Variants in PGM2 observed in about 807,000 individuals in gnomAD.
PGM2 encodes phosphopentomutase.
In PGM2, 57 loss-of-function variants were observed where a neutral mutation model predicts 74.6. The observed-to-expected ratio is 0.76, with a 90% CI of 0.62 to 0.95. PGM2 has a LOEUF of 0.95. PGM2 is among the 40% of genes least tolerant of loss of function. The pLI is 0.00. For synonymous variants in PGM2, 273 were observed against 260.7 expected (o/e 1.05, Z -0.46); for missense variants, 706 against 741.9 (o/e 0.95, Z 0.56).
At chr4:37,850,897 A>T (rs1334079852) in intron 12 of PGM2, among the ~76,000 whole-genome samples, 1 of 149,276 alleles carries the variant, frequency 6.7e-6, no homozygotes, top group Non-Finnish European at 1.5e-5. Flanking sequence ...AGCGTGAAGC[A>T]GGAGAACTGC....
intron 3 of PGM2, among the ~76,000 whole-genome samples, chr4:37,835,883 T>C (rs1725555576): frequency 6.6e-6 from 1 of 152,220 alleles, no homozygotes; most frequent in Admixed American, 6.5e-5. Context: ...AAGTTATAGC[T>C]CTGGGGGATA....
At chr4:37,827,167 G>T (rs1363690309) in intron 1 of PGM2, among the ~76,000 whole-genome samples, 1 of 152,244 alleles carries the variant, frequency 6.6e-6, no homozygotes, top group Non-Finnish European at 1.5e-5. Flanking sequence ...CCGCTGGCTC[G>T]TCGTCGGTAG....
chr4:37,837,639 T>A, intron 4 of PGM2, 26 bp downstream of exon 4: 1 of 1,424,148 alleles, frequency 7.0e-7, no homozygotes, highest in Non-Finnish European at 9.9e-7. Flanking sequence ...CTTTCATAAT[T>A]TCCTGTCACA....
intron 6 of PGM2, among the ~76,000 whole-genome samples, chr4:37,841,114 G>GTA (rs1560415266): frequency 8.0e-6 from 1 of 124,764 alleles, no homozygotes; most frequent in Non-Finnish European, 1.7e-5. Flanking sequence ...GTGTGTGTGT[G>GTA]TTTGTATATG....
chr4:37,830,961 A>C (rs1725426551), intron 2 of PGM2, among the ~76,000 whole-genome samples: 1 of 152,106 alleles, frequency 6.6e-6, no homozygotes, highest in South Asian at 2.1e-4. Context: ...TGGGAGGCTG[A>C]GCCAGGCAGA....
intron 7 of PGM2, 135 bp from the exon 8 acceptor site, chr4:37,845,498 T>C: frequency 1.7e-6 from 1 of 590,266 alleles, no homozygotes. Flanking sequence ...CTTCTGGAGC[T>C]GTCTTGGTTG....
intron 3 of PGM2, among the ~76,000 whole-genome samples, chr4:37,836,725 A>T (rs1725576423): frequency 6.6e-6 from 1 of 152,194 alleles, no homozygotes; most frequent in South Asian, 2.1e-4. Context: ...AACGTATTTT[A>T]CACCAGCTTG....
At chr4:37,840,545 G>C (rs1283480210) in intron 6 of PGM2, among the ~76,000 whole-genome samples, 1 of 152,120 alleles carries the variant, frequency 6.6e-6, no homozygotes, top group Non-Finnish European at 1.5e-5. Flanking sequence ...ACTGCACCCA[G>C]CTAATTTTTT....
At chr4:37,853,801 A>G (rs1019792906) in intron 12 of PGM2, among the ~76,000 whole-genome samples, 1 of 152,090 alleles carries the variant, frequency 6.6e-6, no homozygotes, top group Non-Finnish European at 1.5e-5. Flanking sequence ...TGTTTTCATC[A>G]TGCCCTGCCC....
intron 12 of PGM2, among the ~76,000 whole-genome samples, chr4:37,855,060 T>C (rs910036054): frequency 1.3e-5 from 2 of 152,190 alleles, no homozygotes; most frequent in Non-Finnish European, 1.5e-5. Context: ...TCTACTCTCT[T>C]AGCAATTTTC....
At chr4:37,827,126 T>C (rs558505352) in intron 1 of PGM2, among the ~76,000 whole-genome samples, 138 of 152,310 alleles carry the variant, frequency 9.1e-4, no homozygotes, top group Non-Finnish European at 1.7e-3. Context: ...CGCTGTCTAG[T>C]TGAGGGGCGC....
In PGM2 at chr4:37,840,199, A is replaced by G; in HGVS notation, c.659A>G (p.Asn220Ser). 2 of 1,613,156 alleles carry G rather than the reference A, an allele frequency of 1.2e-6. No homozygotes were observed. Among genetic ancestry groups the G allele is most frequent in the East Asian group, 2.2e-5 (1 of 44,878 alleles). ...ATTGATAGCAGTCCACTTCTCCACA[A>G]TCCGAGTGCTTCCATCAATAATGAC... is the stretch of plus-strand genomic sequence containing the variant. The part of the protein sequence containing the change: ...SLIDSSPLLH[N>S]PSASINNDYF... Residue 220 changes from asparagine (N) to serine (S), a missense_variant, in exon 6 of 14, where the codon AAT (asparagine) becomes AGT (serine). By Grantham distance (46) the Asn-to-Ser change is conservative. Transcript: ENST00000381967.
intron 4 of PGM2, among the ~76,000 whole-genome samples, chr4:37,838,714 C>T (rs530588810): frequency 6.6e-6 from 1 of 152,288 alleles, no homozygotes; most frequent in South Asian, 2.1e-4. Flanking sequence ...GAAAAATTGT[C>T]ATGTATTCAA....
At chr4:37,840,684 C>T (rs970711229) in intron 6 of PGM2, among the ~76,000 whole-genome samples, 1 of 152,200 alleles carries the variant, frequency 6.6e-6, no homozygotes, top group Non-Finnish European at 1.5e-5. Context: ...CACGCCCACC[C>T]AGCTGCATCT....
chr4:37,862,618 T>G lies in PGM2; in HGVS notation c.*1006T>G, dbSNP rs938093404. The G allele has an allele frequency of 6.6e-6, 1 of 152,156 alleles. No homozygotes were observed. The highest frequency in any genetic ancestry group is 1.5e-5 in the Non-Finnish European group (1 of 68,036). 9.4% of individuals were successfully genotyped at this position (152,156 alleles called of 1,614,324 possible). ...TAACTCCAGTTGGGCACCCATGAGC[T>G]AGGATCAAACTTTCTTTATATACTT... On this transcript the variant is annotated 3_prime_UTR_variant, in exon 14 of 14. Coordinates refer to ENST00000381967, the MANE Select transcript of PGM2 (RefSeq NM_018290.4).
intron 5 of PGM2, 62 bp from the exon 6 acceptor site, chr4:37,840,004 G>A (rs1725663880): frequency 2.0e-6 from 3 of 1,526,432 alleles, no homozygotes; most frequent in Non-Finnish European, 1.8e-6. Flanking sequence ...TGGGACCATA[G>A]GTAATAGGTG....
At chr4:37,846,044 A>T in intron 8 of PGM2, among the ~76,000 whole-genome samples, 1 of 152,168 alleles carries the variant, frequency 6.6e-6, no homozygotes, top group Non-Finnish European at 1.5e-5. Context: ...GTGTCTAATG[A>T]GGGTAAAGCA....
At chr4:37,844,624 A>AT in intron 7 of PGM2, 71 bp downstream of exon 7, 2 of 954,628 alleles carry the variant, frequency 2.1e-6, no homozygotes, top group Non-Finnish European at 3.2e-6. Flanking sequence ...AGTAAAATAC[A>AT]TTTTTATGTG....
chr4:37,845,870 G>T, intron 8 of PGM2, 140 bp downstream of exon 8: 1 of 628,708 alleles, frequency 1.6e-6, no homozygotes, highest in Non-Finnish European at 2.8e-6. Context: ...TGAACCTCCT[G>T]TAGAGTCTTC....
Sources: allele counts gnomAD v4.1 joint callset (sites outside exome capture counted in the v4.1 genomes callset), GRCh38; gene constraint gnomAD v4.1.1; transcripts MANE v1.5; gene names NCBI Gene and HGNC (gene_info 2026-07-23, HGNC 2026-07-21).